The following FSD1L variants were observed in gnomAD, a reference collection of about 807,000 sequenced individuals.
FSD1L encodes fibronectin type III and SPRY domain containing 1 like.
In FSD1L, 45 loss-of-function variants were observed where a neutral mutation model predicts 71.6. The observed-to-expected ratio is 0.63, with a 90% CI of 0.49 to 0.81. FSD1L has a LOEUF of 0.81. Among genes scored for constraint, FSD1L ranks in the 30% least tolerant of loss-of-function variants. The probability of loss-of-function intolerance (pLI) is 0.00; values close to 1 mark genes in which losing one functional copy is unlikely to be tolerated. For missense variants in FSD1L, 561 were observed against 618.1 expected, an observed-to-expected ratio of 0.91 and a Z score of 0.98; for synonymous variants, 197 against 207.2, an observed-to-expected ratio of 0.95 and a Z score of 0.42.
At position 105,550,831 on chromosome 9, in the gene FSD1L, G is replaced by A. The variant is rs1016128684; in HGVS notation, c.*4348G>A. The A allele has an allele frequency of 3.9e-5, 6 of 151,942 alleles. No individual in the cohort carries two copies. The highest frequency in any genetic ancestry group is 1.5e-4 in the African/African-American group (6 of 41,372). The allele number at this position is 151,942 out of a possible 1,614,324, so 9.4% of individuals were successfully genotyped here. A position where few individuals can be genotyped will look rare whatever the true frequency, so the allele number is the denominator to read the frequency against. ...TTTCTTATTTCTGGGTCAATATAAGGTACTGACTTCTGATGCATAATCACT... is the reference window on the plus strand; with the variant it reads ...TTTCTTATTTCTGGGTCAATATAAGATACTGACTTCTGATGCATAATCACT... On this transcript the variant is annotated 3_prime_UTR_variant, in exon 14 of 14. Transcript: ENST00000481272.
At position 105,455,536 on chromosome 9, in the gene FSD1L, G is replaced by T. The variant is rs1830305678; in HGVS notation, c.16-5984G>T. Among the ~76,000 whole-genome samples, 6 of 152,120 alleles carry T rather than the reference G, an allele frequency of 3.9e-5. 1 individual carries two copies. The South Asian group carries it at 1.2e-3, about 31-fold the overall frequency. ...ATCAATCCCTTTCCTCTGGTTGCAG[G>T]AACCCTATGATTATTTCATACAATC... On this transcript the variant is annotated intron_variant, in intron 1 of 13. Coordinates refer to ENST00000481272, the MANE Select transcript of FSD1L (RefSeq NM_001145313.3).
At chr9:105,476,819 C>G (rs965287714) in intron 5 of FSD1L, among the ~76,000 whole-genome samples, 7 of 152,134 alleles carry the variant, frequency 4.6e-5, no homozygotes, top group Admixed American at 1.3e-4. Flanking sequence ...AAATTGGGCC[C>G]TTTCAAAGAA....
At chr9:105,447,891 G>T, upstream of FSD1L, 1 of 461,548 alleles carries the variant, frequency 2.2e-6, no homozygotes. Flanking sequence ...AAAAAGGATG[G>T]GGGAAGGGAG....
At chr9:105,538,956 A>C (rs12352975) in intron 12 of FSD1L, among the ~76,000 whole-genome samples, 1 of 152,030 alleles carries the variant, frequency 6.6e-6, no homozygotes, top group Non-Finnish European at 1.5e-5. Flanking sequence ...CTTGGTTTAC[A>C]CTGGGCTAAT....
rs571030902 is a variant in FSD1L at position 105,493,300 on chromosome 9, T to G, written c.586+8798T>G. ...GATCTTTGTTGGTTTAAAGTCTGTT[T>G]TATCAGAAACTAGGATTGCAACCCC... is the stretch of plus-strand genomic sequence containing the variant. On this transcript the variant is annotated intron_variant, in intron 7 of 13. Transcript: ENST00000481272. Among the ~76,000 whole-genome samples, 1,214 of 152,272 alleles carry G rather than the reference T, an allele frequency of 8.0e-3. 11 individuals carry two copies. The highest frequency in any genetic ancestry group is 0.02 in the Middle Eastern group (6 of 294).
chr9:105,445,196 TCA>T (rs1373868854), upstream of FSD1L, among the ~76,000 whole-genome samples: 4 of 151,938 alleles, frequency 2.6e-5, no homozygotes. Context: ...AAGACAGAAG[TCA>T]CAGTCAGAAG....
At chr9:105,523,644 C>T (rs1319920589) in intron 10 of FSD1L, 54 of 1,608,150 alleles carry the variant, frequency 3.4e-5, no homozygotes, top group African/African-American at 9.4e-5. Flanking sequence ...TACACCTTGG[C>T]TTTTTAAGGC....
chr9:105,510,735 G>A (rs1336391101), intron 9 of FSD1L, among the ~76,000 whole-genome samples: 1 of 152,080 alleles, frequency 6.6e-6, no homozygotes, highest in Admixed American at 6.6e-5. Flanking sequence ...TATATTATTA[G>A]TTATTTTCTT....
chr9:105,477,631 G>A (rs1831893645), intron 5 of FSD1L, among the ~76,000 whole-genome samples: 2 of 152,230 alleles, frequency 1.3e-5, no homozygotes, highest in African/African-American at 2.4e-5. Context: ...TTTCATATCA[G>A]GTACAGAGAA....
At chr9:105,520,661 G>A in intron 10 of FSD1L, 1 of 1,612,860 alleles carries the variant, frequency 6.2e-7, no homozygotes, top group Non-Finnish European at 8.5e-7. Context: ...TACTATGGTT[G>A]CAAGCTCTTC....
chr9:105,513,045 G>C (rs1198004685), intron 10 of FSD1L, 109 bp downstream of exon 10: 2 of 842,194 alleles, frequency 2.4e-6, no homozygotes, highest in East Asian at 6.3e-5. Flanking sequence ...GAGAGTTACA[G>C]TATATTAGTA....
At chr9:105,491,576 C>A (rs1220202603) in intron 7 of FSD1L, among the ~76,000 whole-genome samples, 2 of 152,044 alleles carry the variant, frequency 1.3e-5, no homozygotes, top group African/African-American at 2.4e-5. Flanking sequence ...TGTCTTGTGC[C>A]AGTTTTCAAA....
At chr9:105,525,629 G>C in intron 10 of FSD1L, 1 of 1,612,314 alleles carries the variant, frequency 6.2e-7, no homozygotes, top group Non-Finnish European at 8.5e-7. Flanking sequence ...AAGCTACTTA[G>C]AGAACTTAGG....
intron 5 of FSD1L, 122 bp from the exon 6 acceptor site, chr9:105,479,232 G>A: frequency 1.4e-6 from 1 of 735,474 alleles, no homozygotes; most frequent in African/African-American, 1.8e-5. Context: ...TTGTGTTTTG[G>A]TGAATATGAA....
intron 7 of FSD1L, among the ~76,000 whole-genome samples, chr9:105,498,442 A>T (rs1833560135): frequency 6.6e-6 from 1 of 152,088 alleles, no homozygotes; most frequent in Non-Finnish European, 1.5e-5. Context: ...CTAGGCTACA[A>T]ACCTGTACAG....
At chr9:105,484,061 C>T (rs78536270) in intron 6 of FSD1L, among the ~76,000 whole-genome samples, 2,388 of 152,108 alleles carry the variant, frequency 0.016, 89 homozygotes, top group African/African-American at 0.054. Context: ...ATTGAGTGTA[C>T]AGAGGTTCAG....
chr9:105,521,074 C>T, intron 10 of FSD1L: 2 of 1,613,464 alleles, frequency 1.2e-6, no homozygotes, highest in Non-Finnish European at 1.7e-6. Flanking sequence ...CAGATGAGAC[C>T]AAAGCCACAT....
chr9:105,517,666 A>G (rs1834818520), intron 10 of FSD1L, among the ~76,000 whole-genome samples: 1 of 152,210 alleles, frequency 6.6e-6, no homozygotes, highest in South Asian at 2.1e-4. Context: ...AGGAAGCACT[A>G]AACATGGAAA....
intron 5 of FSD1L, among the ~76,000 whole-genome samples, chr9:105,478,679 CA>C (rs1831973631): frequency 6.6e-6 from 1 of 151,720 alleles, no homozygotes; most frequent in Non-Finnish European, 1.5e-5. Context: ...AAAAAAAAGA[CA>C]AAAGAGATAC....
Sources: allele counts gnomAD v4.1 joint callset (sites outside exome capture counted in the v4.1 genomes callset), GRCh38; gene constraint gnomAD v4.1.1; transcripts MANE v1.5; gene names NCBI Gene and HGNC (gene_info 2026-07-23, HGNC 2026-07-21).